Variants in ENOX1 observed in about 807,000 individuals in gnomAD.
ENOX1 encodes ecto-NOX disulfide-thiol exchanger 1.
A neutral mutation model predicts 82.5 loss-of-function variants in ENOX1; 42 were observed. The ratio of observed to expected loss-of-function variants is 0.51; its 90% CI spans 0.40 to 0.66. The LOEUF is 0.66. ENOX1 is among the 30% of genes least tolerant of loss of function. The pLI, the probability that ENOX1 is intolerant of heterozygous loss-of-function variation, is 0.00. For synonymous variants in ENOX1, 271 were observed against 282.2 expected (o/e 0.96, Z 0.40); for missense variants, 608 against 811.6 (o/e 0.75, Z 3.05).
intron 2 of ENOX1, 53 bp from the exon 3 acceptor site, chr13:43,484,205 C>A (rs535894876): frequency 3.9e-4 from 344 of 876,892 alleles, no homozygotes; most frequent in Non-Finnish European, 4.6e-4. Context: ...ACCATTACTG[C>A]CTGTAATGGT....
At chr13:43,346,157 A>G (rs2049365205) in intron 8 of ENOX1, among the ~76,000 whole-genome samples, 1 of 152,194 alleles carries the variant, frequency 6.6e-6, no homozygotes, top group Non-Finnish European at 1.5e-5. Context: ...CTTTTCTCCC[A>G]AAGACCTCCT....
At chr13:43,598,823 G>A (rs2081579451) in intron 2 of ENOX1, among the ~76,000 whole-genome samples, 1 of 151,852 alleles carries the variant, frequency 6.6e-6, no homozygotes, top group African/African-American at 2.4e-5. Flanking sequence ...TAGGATCCAA[G>A]GAGCAGTTTA....
At chr13:43,763,900 G>A (rs1364445204) in intron 1 of ENOX1, among the ~76,000 whole-genome samples, 1 of 152,158 alleles carries the variant, frequency 6.6e-6, no homozygotes, top group East Asian at 1.9e-4. Flanking sequence ...TAGAAAAAGA[G>A]TTACATGTAT....
intron 2 of ENOX1, among the ~76,000 whole-genome samples, chr13:43,600,217 AT>A (rs1327735199): frequency 2.0e-5 from 3 of 152,186 alleles, no homozygotes; most frequent in Admixed American, 1.3e-4. Flanking sequence ...GGGATAGAGC[AT>A]CATGCTGGCT....
chr13:43,782,995 G>T (rs977460750), intron 1 of ENOX1, among the ~76,000 whole-genome samples: 2 of 152,182 alleles, frequency 1.3e-5, no homozygotes, highest in Admixed American at 1.3e-4. Flanking sequence ...AAAGAGCCCA[G>T]ATCACTACAC....
chr13:43,318,354 CT>C (rs1317483988), intron 11 of ENOX1, among the ~76,000 whole-genome samples: 1 of 152,148 alleles, frequency 6.6e-6, no homozygotes, highest in African/African-American at 2.4e-5. Context: ...ACTGAAAACA[CT>C]TTTTTCAAAT....
At chr13:43,549,398 T>C (rs983618859) in intron 2 of ENOX1, among the ~76,000 whole-genome samples, 3 of 152,154 alleles carry the variant, frequency 2.0e-5, no homozygotes, top group Admixed American at 2.0e-4. Flanking sequence ...AAATAACAAC[T>C]GCTAAAAGTA....
intron 5 of ENOX1, among the ~76,000 whole-genome samples, chr13:43,376,490 T>C (rs372247086): frequency 2.2e-4 from 34 of 152,122 alleles, no homozygotes; most frequent in East Asian, 1.9e-3. Context: ...CACAGAAAGG[T>C]TGAAGACAAG....
At chr13:43,783,385 C>A (rs1330541431) in intron 1 of ENOX1, among the ~76,000 whole-genome samples, 2 of 151,928 alleles carry the variant, frequency 1.3e-5, no homozygotes, top group South Asian at 2.1e-4. Flanking sequence ...AGATAAAAAT[C>A]TTGGTTGCAA....
intron 2 of ENOX1, among the ~76,000 whole-genome samples, chr13:43,531,205 A>C (rs918233219): frequency 1.3e-4 from 20 of 152,260 alleles, no homozygotes; most frequent in Admixed American, 1.2e-3. Context: ...TTTAATCTAC[A>C]ATGAACTCAA....
At chr13:43,301,550 A>T (rs1391215720) in intron 11 of ENOX1, among the ~76,000 whole-genome samples, 1 of 144,374 alleles carries the variant, frequency 6.9e-6, no homozygotes. Flanking sequence ...TCATCATATT[A>T]AAAAAACCCA....
At chr13:43,501,893 C>T (rs952634460) in intron 2 of ENOX1, among the ~76,000 whole-genome samples, 13 of 148,584 alleles carry the variant, frequency 8.7e-5, no homozygotes, top group South Asian at 2.1e-4. Flanking sequence ...AAATATTAAA[C>T]GTTAGAACAG....
At chr13:43,298,157 T>C (rs1001747304) in intron 12 of ENOX1, among the ~76,000 whole-genome samples, 189 bp downstream of exon 12, 1 of 152,228 alleles carries the variant, frequency 6.6e-6, no homozygotes, top group African/African-American at 2.4e-5. Flanking sequence ...ACATATTTTA[T>C]TGGCTTGGCT....
Position 43,370,993 on chromosome 13 carries a change from G to A in ENOX1, c.209-9541C>T, listed in dbSNP as rs952343091. Among the ~76,000 whole-genome samples the A allele has an allele frequency of 5.3e-5, 8 of 151,804 alleles. No individual in the cohort carries two copies. In the East Asian group the frequency reaches 9.8e-4, roughly 19 times the overall value. ...ACTGGGATCAGCCAGCGATGCACAC[G>A]GGGGAACCATGAGAACAGGCCCTAA... On this transcript the variant is annotated intron_variant, in intron 5 of 16. Transcript: ENST00000690772.
intron 1 of ENOX1, among the ~76,000 whole-genome samples, chr13:43,740,811 T>A (rs2089870590): frequency 6.6e-6 from 1 of 152,228 alleles, no homozygotes; most frequent in Admixed American, 6.5e-5. Context: ...TTGTAGCACG[T>A]GCCAGTACTT....
intron 1 of ENOX1, among the ~76,000 whole-genome samples, chr13:43,735,528 TG>T (rs376482927): frequency 2.7e-4 from 41 of 152,112 alleles, no homozygotes; most frequent in African/African-American, 9.4e-4. Flanking sequence ...AAGACCAGCC[TG>T]GGTAACACAG....
rs558079257 is a variant in ENOX1, at chr13:43,635,220, T to C, written c.-219+32259A>G. On this transcript the variant is annotated intron_variant, in intron 2 of 16. Coordinates refer to ENST00000690772, the MANE Select transcript of ENOX1 (RefSeq NM_001347969.2). ...AAAAGGGGGTATAAGAGAAAAACTC[T>C]GTAAGTAATCAGTGGGAAATGGAAG... is the stretch of plus-strand genomic sequence containing the variant. Among the ~76,000 whole-genome samples the C allele has an allele frequency of 9.2e-5, 14 of 152,324 alleles. No homozygotes were observed. In the East Asian group the frequency reaches 2.3e-3, roughly 25 times the overall value.
At chr13:43,259,080 C>T (rs1462973479) in intron 14 of ENOX1, among the ~76,000 whole-genome samples, 2 of 152,190 alleles carry the variant, frequency 1.3e-5, no homozygotes, top group Admixed American at 6.5e-5. Flanking sequence ...ATGTCTAACA[C>T]ATGCTGATCA....
At chr13:43,610,239 CA>C (rs2082141501) in intron 2 of ENOX1, among the ~76,000 whole-genome samples, 3 of 152,106 alleles carry the variant, frequency 2.0e-5, no homozygotes. Context: ...CAACATTTTG[CA>C]GGTGATAAAT....
Sources: gnomAD v4.1 joint callset for allele counts (sites outside exome capture counted in the v4.1 genomes callset) on GRCh38, gnomAD v4.1.1 for gene constraint, MANE v1.5 for transcripts, NCBI Gene and HGNC (gene_info 2026-07-23, HGNC 2026-07-21) for gene names.